The following UST variants were observed in gnomAD, a reference collection of about 807,000 sequenced individuals.
UST encodes uronyl 2-sulfotransferase.
A neutral mutation model predicts 45.6 loss-of-function variants in UST; 21 were observed. The ratio of observed to expected loss-of-function variants is 0.46; its 90% CI spans 0.33 to 0.66. The LOEUF (loss-of-function observed/expected upper bound fraction) is 0.66, where lower values mean the gene tolerates loss of function less well. Ranked by LOEUF, UST falls within the 30% of genes least tolerant of loss-of-function variation. The pLI is 0.02. For synonymous variants in UST, 215 were observed against 200.6 expected (o/e 1.07, Z -0.61); for missense variants, 463 against 512.4 (o/e 0.90, Z 0.93).
intron 1 of UST, among the ~76,000 whole-genome samples, chr6:148,791,822 T>C (rs9390608): frequency 0.093 from 14,166 of 152,168 alleles, 1,178 homozygotes; most frequent in East Asian, 0.5. Flanking sequence ...TCTTATGCAT[T>C]ACATGGGAAC....
chr6:148,840,161 G>A (rs1283397710), intron 1 of UST, among the ~76,000 whole-genome samples: 2 of 152,186 alleles, frequency 1.3e-5, no homozygotes, highest in Non-Finnish European at 2.9e-5. Context: ...GAACCCAAAG[G>A]AAGGTATGTT....
At chr6:149,023,687 A>C (rs1220850977) in intron 7 of UST, among the ~76,000 whole-genome samples, 1 of 152,060 alleles carries the variant, frequency 6.6e-6, no homozygotes, top group African/African-American at 2.4e-5. Context: ...CAGGATGCAA[A>C]ACCCAGCACA....
At chr6:148,975,610 T>G (rs1380097475) in intron 5 of UST, among the ~76,000 whole-genome samples, 1 of 152,184 alleles carries the variant, frequency 6.6e-6, no homozygotes, top group East Asian at 1.9e-4. Flanking sequence ...ATAATATTAT[T>G]ATTTGATCAA....
intron 5 of UST, among the ~76,000 whole-genome samples, chr6:149,010,046 T>TTA (rs939701272): frequency 5.3e-5 from 8 of 151,704 alleles, no homozygotes; most frequent in Non-Finnish European, 8.8e-5. Flanking sequence ...TGTAGTCATA[T>TTA]TATATATATA....
At position 148,747,568 on chromosome 6, in the gene UST, G is replaced by A; in HGVS notation, c.138G>A (p.Arg46=). ...PLLPFLRFSL[R]DYGFCMATLL... is the part of the protein sequence containing the mutation. ...TGCCTTTCCTGCGCTTCTCCCTCCG[G>A]GACTACGGCTTCTGCATGGCCACCC... Residue 46 remains arginine, a synonymous_variant, in exon 1 of 8, where the codon CGG becomes CGA. Coordinates refer to ENST00000367463, the MANE Select transcript of UST (RefSeq NM_005715.3). The A allele has an allele frequency of 6.3e-7, 1 of 1,583,990 alleles. No individual in the cohort carries two copies.
At chr6:148,957,195 C>T (rs1403856278) in intron 4 of UST, among the ~76,000 whole-genome samples, 3 of 152,204 alleles carry the variant, frequency 2.0e-5, no homozygotes, top group Non-Finnish European at 4.4e-5. Flanking sequence ...CAGGAGCAAC[C>T]TCTTCCTCTC....
chr6:149,070,639 G>C (rs1011922640), intron 7 of UST, among the ~76,000 whole-genome samples: 1 of 152,138 alleles, frequency 6.6e-6, no homozygotes. Context: ...ACCTAATGGG[G>C]TACATGAGAT....
At chr6:148,848,281 G>T (rs915324919) in intron 1 of UST, among the ~76,000 whole-genome samples, 4 of 152,034 alleles carry the variant, frequency 2.6e-5, no homozygotes, top group Non-Finnish European at 5.9e-5. Flanking sequence ...CCCTGACCAT[G>T]GTATAGTTAT....
chr6:148,972,705 C>G (rs1198991498), intron 5 of UST, among the ~76,000 whole-genome samples: 1 of 152,262 alleles, frequency 6.6e-6, no homozygotes, highest in Non-Finnish European at 1.5e-5. Flanking sequence ...GCTGCTGCAG[C>G]TGTGTCCCGC....
chr6:148,905,872 T>C (rs929078360), intron 2 of UST, among the ~76,000 whole-genome samples: 1 of 152,232 alleles, frequency 6.6e-6, no homozygotes, highest in African/African-American at 2.4e-5. Context: ...CCTTATAATA[T>C]TCTTCTGTAA....
At chr6:148,856,985 T>A in intron 1 of UST, among the ~76,000 whole-genome samples, 1 of 148,928 alleles carries the variant, frequency 6.7e-6, no homozygotes, top group Middle Eastern at 3.3e-3. Context: ...CATATATTAT[T>A]ACATATATTA....
chr6:148,964,992 C>G (rs1376648130), intron 5 of UST, among the ~76,000 whole-genome samples: 3 of 152,012 alleles, frequency 2.0e-5, no homozygotes, highest in Non-Finnish European at 4.4e-5. Flanking sequence ...AGATGAGGAC[C>G]CTGAGATTCT....
intron 1 of UST, among the ~76,000 whole-genome samples, chr6:148,777,025 T>A (rs185415623): frequency 6.6e-6 from 1 of 152,240 alleles, no homozygotes; most frequent in African/African-American, 2.4e-5. Flanking sequence ...AGGCAGTAAA[T>A]TCAGGGAGCA....
chr6:149,006,466 T>G (rs909970149), intron 5 of UST, among the ~76,000 whole-genome samples: 2 of 152,238 alleles, frequency 1.3e-5, no homozygotes, highest in Admixed American at 1.3e-4. Context: ...ATGGTATATA[T>G]GTACCATATT....
At chr6:148,886,933 A>T (rs1156410815) in intron 1 of UST, 53 bp from the exon 2 acceptor site, 38 of 1,469,742 alleles carry the variant, frequency 2.6e-5, no homozygotes, top group Non-Finnish European at 4.8e-6. Flanking sequence ...TTTGCACTAA[A>T]TTCATTTGGG....
chr6:149,033,164 C>T (rs1366815518), intron 7 of UST, among the ~76,000 whole-genome samples: 2 of 152,178 alleles, frequency 1.3e-5, no homozygotes, highest in Non-Finnish European at 2.9e-5. Context: ...AGGTCCCTGT[C>T]CACCCCAGGA....
chr6:148,940,781 G>A (rs1780111086), intron 2 of UST, among the ~76,000 whole-genome samples: 1 of 152,104 alleles, frequency 6.6e-6, no homozygotes, highest in African/African-American at 2.4e-5. Flanking sequence ...ATGATGTTGA[G>A]CATTTTTTCA....
intron 7 of UST, among the ~76,000 whole-genome samples, chr6:149,038,657 T>A (rs1202927287): frequency 2.0e-5 from 3 of 152,226 alleles, no homozygotes; most frequent in Non-Finnish European, 4.4e-5. Flanking sequence ...GTCCTCTTCC[T>A]CCCCATTTCC....
At chr6:149,042,755 G>T (rs1395028039) in intron 7 of UST, among the ~76,000 whole-genome samples, 1 of 152,200 alleles carries the variant, frequency 6.6e-6, no homozygotes, top group African/African-American at 2.4e-5. Flanking sequence ...CCACCACATG[G>T]TTTTCAGGGA....
Sources: allele counts gnomAD v4.1 joint callset (sites outside exome capture counted in the v4.1 genomes callset), GRCh38; gene constraint gnomAD v4.1.1; transcripts MANE v1.5; gene names NCBI Gene and HGNC (gene_info 2026-07-23, HGNC 2026-07-21).